GALC: variants seen among roughly 807,000 people sequenced by gnomAD.
GALC encodes galactosylceramidase, also known as galactocerebrosidase.
A neutral mutation model predicts 91.8 loss-of-function variants in GALC; 77 were observed. That is an observed-to-expected ratio of 0.84 (90% CI 0.70 to 1.01). GALC has a LOEUF of 1.01. Among genes scored for constraint, GALC ranks in the 50% least tolerant of loss-of-function variants. The probability of loss-of-function intolerance (pLI) is 0.00; values close to 1 mark genes in which losing one functional copy is unlikely to be tolerated. For synonymous variants in GALC, 357 were observed against 306.7 expected, an observed-to-expected ratio of 1.16 and a Z score of -1.71; for missense variants, 882 against 855.9, an observed-to-expected ratio of 1.03 and a Z score of -0.38.
chr14:87,984,328 T>A (rs898413769), intron 5 of GALC, 66 bp downstream of exon 5: 18 of 1,504,126 alleles, frequency 1.2e-5, no homozygotes, highest in Non-Finnish European at 1.1e-5. Context: ...TACCACAGAA[T>A]CAAATTATTT....
chr14:87,958,791 C>A (rs1885671465), intron 10 of GALC, among the ~76,000 whole-genome samples: 1 of 151,934 alleles, frequency 6.6e-6, no homozygotes, highest in African/African-American at 2.4e-5. Context: ...ATGGATAGCC[C>A]CATGCAGAAG....
intron 10 of GALC, chr14:87,953,830 T>C: frequency 6.2e-7 from 1 of 1,609,428 alleles, no homozygotes; most frequent in Non-Finnish European, 8.5e-7. Context: ...TGTTTAGTCA[T>C]GGTGCTATCT....
At chr14:87,968,273 T>C (rs957165767) in intron 8 of GALC, 62 bp downstream of exon 8, 5 of 1,395,016 alleles carry the variant, frequency 3.6e-6, no homozygotes, top group Non-Finnish European at 5.0e-6. Flanking sequence ...TCCATTTTTT[T>C]CTAACTCTTA....
At chr14:87,980,015 G>A (rs1886669265) in intron 6 of GALC, among the ~76,000 whole-genome samples, 4 of 152,074 alleles carry the variant, frequency 2.6e-5, no homozygotes. Flanking sequence ...TTGCCCTTGA[G>A]TACCTAGCTC....
intron 16 of GALC, among the ~76,000 whole-genome samples, chr14:87,939,547 A>G (rs1884741918): frequency 6.6e-6 from 1 of 151,916 alleles, no homozygotes; most frequent in African/African-American, 2.4e-5. Flanking sequence ...TTAACCATCA[A>G]AAATAAATGC....
chr14:87,962,145 A>T (rs1332098112), intron 10 of GALC, among the ~76,000 whole-genome samples: 1 of 152,106 alleles, frequency 6.6e-6, no homozygotes, highest in African/African-American at 2.4e-5. Context: ...CCAAGAATAT[A>T]ACCAGACAAA....
intron 14 of GALC, among the ~76,000 whole-genome samples, chr14:87,941,785 CAAT>C (rs1440611851): frequency 6.6e-6 from 1 of 151,840 alleles, no homozygotes; most frequent in Non-Finnish European, 1.5e-5. Flanking sequence ...GATTACTGGA[CAAT>C]AATAGTTATG....
rs2139769281 is a variant in GALC, at chr14:87,993,014, G to A, written c.151C>T (p.Leu51=). The A allele has an allele frequency of 5.8e-6, 9 of 1,544,402 alleles. No individual in the cohort carries two copies. The highest frequency in any genetic ancestry group is 7.8e-6 in the Non-Finnish European group (9 of 1,151,840). ...CCGATGCCGTCGAACTCCCGGCCCAGCCCGTCGGAGTCGTCGAGCACGTAC... is the reference window on the plus strand; with the variant it reads ...CCGATGCCGTCGAACTCCCGGCCCAACCCGTCGGAGTCGTCGAGCACGTAC... The part of the protein sequence containing the change: ...GAYVLDDSDG[L]GREFDGIGAV... Residue 51 remains leucine, a synonymous_variant, in exon 1 of 17, where the codon CTG becomes TTG. Coordinates refer to ENST00000261304, the MANE Select transcript of GALC (RefSeq NM_000153.4).
intron 10 of GALC, among the ~76,000 whole-genome samples, chr14:87,962,931 T>C (rs1205682195): frequency 6.6e-6 from 1 of 152,102 alleles, no homozygotes; most frequent in Non-Finnish European, 1.5e-5. Context: ...CCTCCTCCCA[T>C]GCCTCTGTCC....
rs150245602 is a variant in GALC at position 87,962,166 on chromosome 14, G to A, written c.1161+1218C>T. Reference sequence around the variant, plus strand: ...ATATAACCAGACAAAAATGTGATTCGCACCCTATTTGCAGCCAGTTTACCA... The same window carrying A: ...ATATAACCAGACAAAAATGTGATTCACACCCTATTTGCAGCCAGTTTACCA... On this transcript the variant is annotated intron_variant, in intron 10 of 16. Coordinates refer to ENST00000261304, the MANE Select transcript of GALC (RefSeq NM_000153.4). 1.5e-4 allele frequency among the ~76,000 whole-genome samples: 23 copies of A among 152,214 alleles called. 1 individual carries two copies. In the East Asian group the frequency reaches 4.3e-3, roughly 28 times the overall value.
At chr14:87,950,622 A>T (rs765380291) in intron 11 of GALC, 37 bp downstream of exon 11, 4 of 1,284,858 alleles carry the variant, frequency 3.1e-6, no homozygotes, top group Non-Finnish European at 4.5e-6. Flanking sequence ...TAAATTCTTA[A>T]ATCAAAACTA....
chr14:87,938,351 G>A (rs1469444503), intron 16 of GALC, among the ~76,000 whole-genome samples: 2 of 151,982 alleles, frequency 1.3e-5, no homozygotes, highest in Non-Finnish European at 2.9e-5. Flanking sequence ...ATGGGGCGCT[G>A]TTTTCTATCA....
chr14:87,948,607 T>A (rs546272221), intron 12 of GALC, among the ~76,000 whole-genome samples: 3 of 152,100 alleles, frequency 2.0e-5, no homozygotes, highest in South Asian at 2.1e-4. Flanking sequence ...ATTTGAACAG[T>A]TTTTTTCTAT....
At chr14:87,939,278 G>A (rs1884725198) in intron 16 of GALC, among the ~76,000 whole-genome samples, 1 of 151,816 alleles carries the variant, frequency 6.6e-6, no homozygotes, top group East Asian at 1.9e-4. Flanking sequence ...ATTGGAATCT[G>A]ATTTTTAATT....
chr14:87,972,217 AC>A (rs899979340), intron 7 of GALC, among the ~76,000 whole-genome samples: 7 of 152,206 alleles, frequency 4.6e-5, no homozygotes, highest in Admixed American at 3.9e-4. Flanking sequence ...ATAAATATGA[AC>A]TACCTCTATA....
intron 1 of GALC, chr14:87,992,367 CGCTT>C (rs1887237421): frequency 6.5e-7 from 1 of 1,535,726 alleles, no homozygotes; most frequent in Non-Finnish European, 8.7e-7. Flanking sequence ...TCAGGCCGCT[CGCTT>C]ATCTTCCTTT....
intron 14 of GALC, among the ~76,000 whole-genome samples, chr14:87,944,476 A>C (rs1595192875): frequency 6.6e-6 from 1 of 151,926 alleles, no homozygotes; most frequent in African/African-American, 2.4e-5. Flanking sequence ...GATGCCAAGA[A>C]CTCCACTACC....
chr14:87,951,946 T>C (rs1885325951), intron 10 of GALC, among the ~76,000 whole-genome samples: 2 of 151,660 alleles, frequency 1.3e-5, no homozygotes, highest in Admixed American at 1.3e-4. Context: ...TTTTAAAAGA[T>C]TACAAATTGG....
chr14:87,966,978 C>T (rs765730830), intron 8 of GALC, among the ~76,000 whole-genome samples: 4 of 152,174 alleles, frequency 2.6e-5, no homozygotes, highest in Non-Finnish European at 4.4e-5. Context: ...ACTAGATGGA[C>T]AGAATACCAG....
Sources: allele counts gnomAD v4.1 joint callset (sites outside exome capture counted in the v4.1 genomes callset), GRCh38; gene constraint gnomAD v4.1.1; transcripts MANE v1.5; gene names NCBI Gene and HGNC (gene_info 2026-07-23, HGNC 2026-07-21).